The following BARX2 variants were observed in gnomAD, a reference collection of about 807,000 sequenced individuals.
BARX2 encodes the protein homeobox protein BarH-like 2.
Under a neutral mutation model 25.5 loss-of-function variants are expected in BARX2, and 11 were observed. The ratio of observed to expected loss-of-function variants is 0.43; its 90% CI spans 0.27 to 0.71. BARX2 has a LOEUF of 0.71. BARX2 is among the 30% of genes least tolerant of loss of function. The probability of loss-of-function intolerance (pLI) is 0.19; values close to 1 mark genes in which losing one functional copy is unlikely to be tolerated. For missense variants in BARX2, 360 were observed against 359.9 expected, an observed-to-expected ratio of 1.00 and a Z score of 0.00; for synonymous variants, 137 against 149.5, an observed-to-expected ratio of 0.92 and a Z score of 0.61.
chr11:129,429,461 G>A (rs1170035427), intron 1 of BARX2, among the ~76,000 whole-genome samples: 1 of 152,096 alleles, frequency 6.6e-6, no homozygotes, highest in African/African-American at 2.4e-5. Flanking sequence ...GGAGTTCAAG[G>A]TTACAGTGAC....
chr11:129,382,550 T>A (rs1861577808), intron 1 of BARX2, among the ~76,000 whole-genome samples: 1 of 152,130 alleles, frequency 6.6e-6, no homozygotes, highest in African/African-American at 2.4e-5. Flanking sequence ...TTGCCACACG[T>A]CCTGCCCACG....
At chr11:129,437,122 C>G (rs1209161578) in intron 2 of BARX2, 71 bp downstream of exon 2, 1 of 1,419,742 alleles carries the variant, frequency 7.0e-7, no homozygotes, top group Non-Finnish European at 9.4e-7. Context: ...CCATTGTGGG[C>G]CGTGGAGCCA....
chr11:129,435,911 C>T (rs1353665936), intron 1 of BARX2, among the ~76,000 whole-genome samples: 1 of 152,210 alleles, frequency 6.6e-6, no homozygotes, highest in Admixed American at 6.5e-5. Context: ...CCATACCCTG[C>T]CCCGGCCACA....
intron 1 of BARX2, among the ~76,000 whole-genome samples, chr11:129,398,892 G>A (rs1301233464): frequency 1.3e-5 from 2 of 152,146 alleles, no homozygotes; most frequent in Non-Finnish European, 2.9e-5. Context: ...GGATCTACGT[G>A]GCTGTGTTTG....
At chr11:129,394,935 A>ATTT (rs33959182) in intron 1 of BARX2, among the ~76,000 whole-genome samples, 3,916 of 144,816 alleles carry the variant, frequency 0.027, 111 homozygotes, top group East Asian at 0.14. Context: ...TCCACTCAGC[A>ATTT]TTTTTTTTTT....
chr11:129,383,965 C>G (rs1861594388), intron 1 of BARX2, among the ~76,000 whole-genome samples: 1 of 152,120 alleles, frequency 6.6e-6, no homozygotes, highest in African/African-American at 2.4e-5. Flanking sequence ...GCTCTGCCTC[C>G]TGGGTTCAAG....
intron 1 of BARX2, among the ~76,000 whole-genome samples, chr11:129,385,967 G>A (rs1861613614): frequency 6.6e-6 from 1 of 152,198 alleles, no homozygotes. Flanking sequence ...GGGAAACTGA[G>A]AACACTTTAT....
chr11:129,380,399 G>A (rs1861550055), intron 1 of BARX2, among the ~76,000 whole-genome samples: 1 of 152,152 alleles, frequency 6.6e-6, no homozygotes, highest in Non-Finnish European at 1.5e-5. Flanking sequence ...GTGCAGGTAT[G>A]TATAGTGTCT....
At chr11:129,443,056 G>T in intron 3 of BARX2, 137 bp downstream of exon 3, 2 of 693,444 alleles carry the variant, frequency 2.9e-6, no homozygotes, top group Admixed American at 2.2e-5. Context: ...TGGCTTGCGG[G>T]GAAGCTGTTG....
intron 2 of BARX2, 166 bp from the exon 3 acceptor site, chr11:129,442,669 A>G (rs778906971): frequency 4.6e-5 from 32 of 692,878 alleles, no homozygotes; most frequent in Non-Finnish European, 7.4e-5. Context: ...CCTCTGTTGG[A>G]TTCTTGGAAG....
upstream of BARX2, among the ~76,000 whole-genome samples, chr11:129,375,391 T>G (rs373154797): frequency 6.6e-6 from 1 of 152,074 alleles, no homozygotes; most frequent in African/African-American, 2.4e-5. The surrounding 1 kb of genome is among the most constrained non-coding windows in gnomAD (Gnocchi z 4.0). Flanking sequence ...TTCTTTCTAG[T>G]AAGAGACCTG....
intron 1 of BARX2, among the ~76,000 whole-genome samples, chr11:129,428,280 G>A (rs1339797995): frequency 6.6e-6 from 1 of 152,116 alleles, no homozygotes; most frequent in Admixed American, 6.5e-5. Context: ...AGGGTAGCAG[G>A]GCAGCTGTCC....
chr11:129,376,514 G>A lies in BARX2; in HGVS notation c.187+292G>A, dbSNP rs1861506310. Among the ~76,000 whole-genome samples, 1 of 152,186 alleles carries A rather than the reference G, an allele frequency of 6.6e-6. No individual in the cohort carries two copies. Among genetic ancestry groups the A allele is most frequent in the African/African-American group, 2.4e-5 (1 of 41,440 alleles). On this transcript the variant is annotated intron_variant, in intron 1 of 3. Transcript: ENST00000281437. This position sits in a 1 kb window ranked among gnomAD's most constrained non-coding sequence, Gnocchi z 4.2. ...AACGCTTCCTCGTTTCCTGCTGAAA[G>A]TTCAAACACTTGAGCAGGTTCAGCG...
Position 129,451,794 on chromosome 11 carries a change from G to A in BARX2, c.*392G>A, listed in dbSNP as rs12419199. On this transcript the variant is annotated 3_prime_UTR_variant, in exon 4 of 4. Transcript: ENST00000281437. ...CAGCCAGTCATCAAAGCAGAGAGAC[G>A]TGGCGGCATGTGGGCAGCATGCCCA... The A allele has an allele frequency of 0.027, 4,643 of 170,980 alleles. 76 individuals are homozygous for A. The highest frequency in any genetic ancestry group is 0.042 in the Middle Eastern group (16 of 384). The allele number at this position is 170,980 out of a possible 1,614,324, so 10.6% of individuals were successfully genotyped here. A position where few individuals can be genotyped will look rare whatever the true frequency, so the allele number is the denominator to read the frequency against.
chr11:129,408,988 A>G (rs1861859811), intron 1 of BARX2, among the ~76,000 whole-genome samples: 1 of 152,170 alleles, frequency 6.6e-6, no homozygotes, highest in Non-Finnish European at 1.5e-5. Flanking sequence ...CCCTCAAACT[A>G]ATCAAAGGGG....
At chr11:129,401,259 G>T (rs1861772290) in intron 1 of BARX2, among the ~76,000 whole-genome samples, 1 of 152,112 alleles carries the variant, frequency 6.6e-6, no homozygotes, top group African/African-American at 2.4e-5. Flanking sequence ...GAAATTGTTA[G>T]AGATGGATAT....
At chr11:129,385,093 T>A (rs1167077396) in intron 1 of BARX2, among the ~76,000 whole-genome samples, 1 of 152,196 alleles carries the variant, frequency 6.6e-6, no homozygotes, top group East Asian at 1.9e-4. Flanking sequence ...AACACCCGAA[T>A]TAATATGAGA....
At chr11:129,379,414 C>T (rs79649747) in intron 1 of BARX2, among the ~76,000 whole-genome samples, 117 of 152,248 alleles carry the variant, frequency 7.7e-4, no homozygotes, top group African/African-American at 2.7e-3. Context: ...TAGAAATCAG[C>T]GATGAGCTCT....
chr11:129,429,648 A>G (rs993182893), intron 1 of BARX2, among the ~76,000 whole-genome samples: 1 of 152,156 alleles, frequency 6.6e-6, no homozygotes, highest in African/African-American at 2.4e-5. Flanking sequence ...AAACCCCACA[A>G]TCATTAAAGT....
Sources: gnomAD v4.1 joint callset for allele counts (sites outside exome capture counted in the v4.1 genomes callset) on GRCh38, gnomAD v4.1.1 for gene constraint, Gnocchi (gnomAD v3.1) non-coding constraint, MANE v1.5 for transcripts, NCBI Gene and HGNC (gene_info 2026-07-23, HGNC 2026-07-21) for gene names.